Variants in ADHFE1 observed in about 807,000 individuals in gnomAD.
ADHFE1 encodes alcohol dehydrogenase iron containing 1, also known as hydroxyacid-oxoacid transhydrogenase, mitochondrial.
Under a neutral mutation model 54.8 loss-of-function variants are expected in ADHFE1, and 37 were observed. That is an observed-to-expected ratio of 0.68 (90% CI 0.52 to 0.89). The LOEUF (loss-of-function observed/expected upper bound fraction) is 0.89, where lower values mean the gene tolerates loss of function less well. Ranked by LOEUF, ADHFE1 falls within the 40% of genes least tolerant of loss-of-function variation. ADHFE1 has a pLI of 0.00. For missense variants in ADHFE1, 601 were observed against 591.2 expected (o/e 1.02, Z -0.17); for synonymous variants, 203 against 229.3 (o/e 0.89, Z 1.04).
intron 1 of ADHFE1, among the ~76,000 whole-genome samples, chr8:66,434,231 A>G (rs957055655): frequency 3.9e-5 from 6 of 152,170 alleles, no homozygotes; most frequent in Non-Finnish European, 5.9e-5. Context: ...CAAGGCAGGG[A>G]TTGTAGGAGA....
rs567106062 is a variant in ADHFE1, at chr8:66,459,018, G to A, written c.1163-1290G>A. On this transcript the variant is annotated intron_variant, in intron 12 of 13. Transcript: ENST00000396623. ...TCCGGCTGCTCTCCCAGCCAGCCCC[G>A]TATCTGGTTCTATTCATACCTTTTC... Among the ~76,000 whole-genome samples the A allele has an allele frequency of 1.8e-4, 27 of 152,256 alleles. No homozygotes were observed. The Middle Eastern group carries it at 0.014, about 77-fold the overall frequency.
At chr8:66,457,231 C>A (rs551603782) in intron 12 of ADHFE1, 65 bp downstream of exon 12, 1 of 1,487,168 alleles carries the variant, frequency 6.7e-7, no homozygotes, top group Non-Finnish European at 9.3e-7. Context: ...GTAATCCCAG[C>A]ATTTTGGGAG....
In ADHFE1 at chr8:66,444,622, T is replaced by G; in HGVS notation, c.227T>G (p.Val76Gly). The change falls in exon 5 of 14, where the codon GTG (valine) becomes GGG (glycine). Residue 76 changes from valine (V) to glycine (G), a missense_variant. Physicochemically the swap from Val to Gly is moderately radical, Grantham distance 109. Transcript: ENST00000396623. ...MDLKNMGAKN[V>G]CLMTDKNLSK... is the part of the protein sequence containing the mutation. The stretch of plus-strand genomic sequence containing the variant: ...CTAAAAAACATGGGTGCTAAAAATG[T>G]GTGCTTGATGACAGACAAGAACCTC... 1 of 1,614,228 alleles carries G rather than the reference T, an allele frequency of 6.2e-7. No homozygotes were observed.
intron 3 of ADHFE1, among the ~76,000 whole-genome samples, chr8:66,444,112 T>C (rs1253731031): frequency 1.3e-5 from 2 of 151,682 alleles, no homozygotes; most frequent in Non-Finnish European, 2.9e-5. Flanking sequence ...CATTTGAAGC[T>C]AAGGGAACAG....
At position 66,448,918 on chromosome 8, in the gene ADHFE1, A is replaced by T. The variant is rs1304679450; in HGVS notation, c.682A>T (p.Thr228Ser). The change falls in exon 8 of 14, where the codon ACC becomes TCC. Residue 228 changes from threonine to serine, a missense_variant. By Grantham distance (58) the Thr-to-Ser change is moderately conservative. Transcript: ENST00000396623. ...ACTGGGACTGATTGATCCTCTGCAC[A>T]CCCTCCACATGCCTGCCCGAGTGGT... ...PTLGLIDPLH[T>S]LHMPARVVAN... 2 of 1,613,916 alleles carry T rather than the reference A, an allele frequency of 1.2e-6. No individual in the cohort carries two copies. Among genetic ancestry groups the T allele is most frequent in the East Asian group, 4.5e-5 (2 of 44,872 alleles).
At chr8:66,454,430 C>T (rs1431429834) in intron 10 of ADHFE1, among the ~76,000 whole-genome samples, 4 of 151,692 alleles carry the variant, frequency 2.6e-5, no homozygotes, top group Non-Finnish European at 5.9e-5. Context: ...CTTTTTTCCA[C>T]CATCAGCTAT....
At chr8:66,440,233 T>A in intron 2 of ADHFE1, 34 bp downstream of exon 2, 1 of 1,599,190 alleles carries the variant, frequency 6.3e-7, no homozygotes, top group African/African-American at 1.3e-5. Context: ...TAGCCACAAT[T>A]TTGGTTTCTG....
intron 13 of ADHFE1, among the ~76,000 whole-genome samples, chr8:66,463,766 G>A (rs78348791): frequency 6.6e-6 from 1 of 152,164 alleles, no homozygotes; most frequent in African/African-American, 2.4e-5. Context: ...CACCAGAAAG[G>A]TTATTCAATG....
chr8:66,441,025 A>G (rs76686133), intron 2 of ADHFE1, among the ~76,000 whole-genome samples: 35 of 152,326 alleles, frequency 2.3e-4, no homozygotes, highest in African/African-American at 8.4e-4. Flanking sequence ...ATTAACTGTC[A>G]TCTATGAGAC....
intron 12 of ADHFE1, among the ~76,000 whole-genome samples, chr8:66,457,804 C>T (rs1337549249): frequency 7.9e-5 from 12 of 151,766 alleles, no homozygotes; most frequent in Admixed American, 7.9e-4. Flanking sequence ...GTTTTTATCT[C>T]AAGGGAAAGT....
At chr8:66,452,453 C>T (rs1032446886) in intron 9 of ADHFE1, among the ~76,000 whole-genome samples, 1 of 152,222 alleles carries the variant, frequency 6.6e-6, no homozygotes, top group African/African-American at 2.4e-5. Context: ...CGAAGACACA[C>T]AGAATCCATC....
Position 66,451,973 on chromosome 8 carries a change from C to T in ADHFE1, c.755C>T (p.Thr252Ile), listed in dbSNP as rs748112886. ...TTTAGCCATGCCCTGGAGTCATACA[C>T]CACCCTGCCCTACCACCTGCGGAGC... ...DVLCHALESY[T>I]TLPYHLRSPC... The change falls in exon 9 of 14, where the codon ACC (threonine) becomes ATC (isoleucine). Residue 252 changes from threonine to isoleucine, a missense_variant. Coordinates refer to ENST00000396623, the MANE Select transcript of ADHFE1 (RefSeq NM_144650.3). The T allele has an allele frequency of 3.7e-6, 6 of 1,614,044 alleles. No homozygotes were observed. Among genetic ancestry groups the T allele is most frequent in the Middle Eastern group, 1.6e-4 (1 of 6,084 alleles).
In ADHFE1 at chr8:66,432,570, C is replaced by T. The variant is rs926184002; in HGVS notation, c.54C>T (p.Arg18=). Residue 18 remains arginine (R), a synonymous_variant, in exon 1 of 14, where the codon CGC becomes CGT. Coordinates refer to ENST00000396623, the MANE Select transcript of ADHFE1 (RefSeq NM_144650.3). ...CGTACTTGCTGAGGCAACTGCAACGCGCAGCGTGAGTGCGGGGCCGGCGGG... is the reference window on the plus strand; with the variant it reads ...CGTACTTGCTGAGGCAACTGCAACGTGCAGCGTGAGTGCGGGGCCGGCGGG... ...RVAYLLRQLQ[R]AACQCPTHSH... The T allele has an allele frequency of 1.5e-6, 2 of 1,340,392 alleles. No individual in the cohort carries two copies. Among genetic ancestry groups the T allele is most frequent in the Non-Finnish European group, 9.6e-7 (1 of 1,037,436 alleles). 83.0% of individuals were successfully genotyped at this position (1,340,392 alleles called of 1,614,324 possible). A position where few individuals can be genotyped will look rare whatever the true frequency, so the allele number is the denominator to read the frequency against.
intron 13 of ADHFE1, among the ~76,000 whole-genome samples, chr8:66,462,915 G>A (rs544205120): frequency 3.3e-5 from 5 of 152,138 alleles, no homozygotes; most frequent in East Asian, 1.9e-4. Context: ...TCTGCCTGCC[G>A]GGTTCAAGTG....
intron 8 of ADHFE1, among the ~76,000 whole-genome samples, chr8:66,451,325 G>A (rs188183906): frequency 1.3e-5 from 2 of 152,266 alleles, no homozygotes; most frequent in African/African-American, 4.8e-5. Context: ...AATGTGCCAG[G>A]TACTCTTCTA....
chr8:66,457,409 T>C (rs985382605), intron 12 of ADHFE1, among the ~76,000 whole-genome samples: 5 of 151,300 alleles, frequency 3.3e-5, no homozygotes, highest in Non-Finnish European at 7.4e-5. Context: ...GCCCAGGAAG[T>C]TGAGGCTGCA....
chr8:66,445,957 T>C (rs1806002309), intron 6 of ADHFE1, among the ~76,000 whole-genome samples: 1 of 152,238 alleles, frequency 6.6e-6, no homozygotes, highest in Non-Finnish European at 1.5e-5. Flanking sequence ...AATAGCTCAT[T>C]TGTTCCACAG....
intron 13 of ADHFE1, among the ~76,000 whole-genome samples, chr8:66,467,068 G>T (rs537604269): frequency 2.6e-5 from 4 of 152,170 alleles, no homozygotes; most frequent in Admixed American, 6.5e-5. Flanking sequence ...ATGACCTCTG[G>T]GGGGCAAGAA....
intron 1 of ADHFE1, among the ~76,000 whole-genome samples, chr8:66,438,508 G>A (rs1178769857): frequency 1.3e-5 from 2 of 152,172 alleles, no homozygotes; most frequent in African/African-American, 4.8e-5. Flanking sequence ...GTGGCCACGC[G>A]TTTCATGCTG....
Sources: allele counts gnomAD v4.1 joint callset (sites outside exome capture counted in the v4.1 genomes callset), GRCh38; gene constraint gnomAD v4.1.1; transcripts MANE v1.5; gene names NCBI Gene and HGNC (gene_info 2026-07-23, HGNC 2026-07-21).